The following RAP1GAP2 variants were observed in gnomAD, a reference collection of about 807,000 sequenced individuals.
RAP1GAP2 encodes RAP1 GTPase activating protein 2, also known as rap1 GTPase-activating protein 2.
In RAP1GAP2, 27 loss-of-function variants were observed where a neutral mutation model predicts 95.0. The ratio of observed to expected loss-of-function variants is 0.28; its 90% confidence interval spans 0.21 to 0.39. The LOEUF (loss-of-function observed/expected upper bound fraction) is 0.39. Among genes scored for constraint, RAP1GAP2 ranks in the 10% least tolerant of loss-of-function variants. The probability of loss-of-function intolerance (pLI) is 1.00; values close to 1 mark genes in which losing one functional copy is unlikely to be tolerated. For synonymous variants in RAP1GAP2, 373 were observed against 380.9 expected (o/e 0.98, Z 0.24); for missense variants, 771 against 970.0 (o/e 0.79, Z 2.72).
chr17:2,792,750 C>A (rs1040301157), upstream of RAP1GAP2, among the ~76,000 whole-genome samples: 12 of 152,330 alleles, frequency 7.9e-5, no homozygotes, highest in Non-Finnish European at 1.2e-4. Context: ...AGGGGCACAC[C>A]CCCCGGTGGG....
intron 3 of RAP1GAP2, among the ~76,000 whole-genome samples, chr17:2,939,162 C>G (rs1265508666): frequency 6.6e-6 from 1 of 152,090 alleles, no homozygotes; most frequent in Non-Finnish European, 1.5e-5. Flanking sequence ...ACAGTCTTGG[C>G]TCACTGCAAT....
intron 2 of RAP1GAP2, among the ~76,000 whole-genome samples, chr17:2,862,532 C>T (rs902290347): frequency 1.3e-5 from 2 of 152,024 alleles, no homozygotes; most frequent in Non-Finnish European, 2.9e-5. Context: ...CCCCCAACTC[C>T]CTGCCCCTCA....
At chr17:2,770,126 C>T (rs1275134958) in intron 1 of RAP1GAP2, among the ~76,000 whole-genome samples, 6 of 150,558 alleles carry the variant, frequency 4.0e-5, no homozygotes, top group African/African-American at 1.5e-4. Context: ...CCATTTATTG[C>T]GTTGAAATCT....
At chr17:2,859,861 C>T (rs1215017273) in intron 2 of RAP1GAP2, among the ~76,000 whole-genome samples, 2 of 151,998 alleles carry the variant, frequency 1.3e-5, no homozygotes, top group African/African-American at 2.4e-5. Context: ...TTCTGCTGTC[C>T]CCTGTGTTAC....
Position 2,826,049 on chromosome 17 carries a change from C to T in RAP1GAP2, c.80+25499C>T, listed in dbSNP as rs1432462619. Among the ~76,000 whole-genome samples the T allele has an allele frequency of 6.8e-5, 10 of 146,926 alleles. No homozygotes were observed. The East Asian group carries it at 1.2e-3, about 18-fold the overall frequency. ...CGGCTGGAGTGCAGTGGTGCCATCT[C>T]GGCTCACTGCAACTTCCTCCTCCCA... On this transcript the variant is annotated intron_variant, in intron 2 of 24. Coordinates refer to ENST00000254695, the MANE Select transcript of RAP1GAP2 (RefSeq NM_015085.5).
At chr17:2,935,573 G>A (rs1163612523) in intron 3 of RAP1GAP2, among the ~76,000 whole-genome samples, 1 of 152,100 alleles carries the variant, frequency 6.6e-6, no homozygotes, top group Non-Finnish European at 1.5e-5. Context: ...TAGAGTGAGA[G>A]ATCAATAAAT....
chr17:2,879,852 C>T (rs1428906599), intron 2 of RAP1GAP2, among the ~76,000 whole-genome samples: 1 of 152,074 alleles, frequency 6.6e-6, no homozygotes, highest in Non-Finnish European at 1.5e-5. Flanking sequence ...CTTTTTTCCT[C>T]CTGAGCCCTA....
intron 1 of RAP1GAP2, among the ~76,000 whole-genome samples, chr17:2,760,292 C>CAAAAAAAAAAAAAAAA (rs374784170): frequency 1.7e-5 from 1 of 59,268 alleles, no homozygotes; most frequent in African/African-American, 6.2e-5. Context: ...GACTCTGTCT[C>CAAAAAAAAAAAAAAAA]AAAAAAAAAA....
chr17:2,760,620 C>T lies in RAP1GAP2; in HGVS notation c.50+4853C>T, dbSNP rs553114306. 5.9e-5 allele frequency among the ~76,000 whole-genome samples: 9 copies of T among 151,498 alleles called. No individual in the cohort carries two copies. The South Asian group carries it at 1.5e-3, about 25-fold the overall frequency. On this transcript the variant is annotated intron_variant, in intron 1 of 25. Coordinates refer to the RAP1GAP2 transcript ENST00000637138. ...CCTCCCAGAGTGCTGGGATTACAGG[C>T]GTGAGCCACCGCGCCTGGCCAACTT...
intron 2 of RAP1GAP2, among the ~76,000 whole-genome samples, chr17:2,844,936 G>A (rs1357826761): frequency 1.3e-5 from 2 of 152,188 alleles, no homozygotes; most frequent in East Asian, 3.9e-4. Flanking sequence ...TTTCTAGTTA[G>A]TCAGGCGTGT....
intron 19 of RAP1GAP2, among the ~76,000 whole-genome samples, chr17:3,021,704 G>A (rs1345598874): frequency 6.6e-6 from 1 of 152,130 alleles, no homozygotes; most frequent in East Asian, 1.9e-4. Flanking sequence ...CAAAGTGTTG[G>A]GATTACAGGC....
rs553886659 is a variant in RAP1GAP2 at position 2,855,147 on chromosome 17, T to G, written c.81-50137T>G. 1.3e-5 allele frequency among the ~76,000 whole-genome samples: 2 copies of G among 152,200 alleles called. No individual in the cohort carries two copies. Among genetic ancestry groups the G allele is most frequent in the Admixed American group, 6.5e-5 (1 of 15,270 alleles). On this transcript the variant is annotated intron_variant, in intron 2 of 24. Transcript: ENST00000254695. The surrounding 1 kb of genome is among the most constrained non-coding windows in gnomAD (Gnocchi z 4.3). ...GAGAAGCTGGCATGGATTGCCCTTG[T>G]GGTGGGTTGTCCCCCATTCCTCTCG...
In RAP1GAP2 at chr17:2,904,428, G is replaced by GCT. The variant is rs1256964211; in HGVS notation, c.81-855_81-854dup. On this transcript the variant is annotated intron_variant, in intron 2 of 24. Coordinates refer to ENST00000254695, the MANE Select transcript of RAP1GAP2 (RefSeq NM_015085.5). The surrounding 1 kb of genome is among the most constrained non-coding windows in gnomAD (Gnocchi z 4.7). Reference sequence around the variant, plus strand: ...TGCCATGGTGACACAACTCTGTTTAGCTGCCTCTCTACCGTCCTAGCCCAC... The same window carrying GCT: ...TGCCATGGTGACACAACTCTGTTTAGCTCTGCCTCTCTACCGTCCTAGCCCAC... Among the ~76,000 whole-genome samples the GCT allele has an allele frequency of 6.6e-6, 1 of 152,148 alleles. No individual in the cohort carries two copies. The highest frequency in any genetic ancestry group is 1.5e-5 in the Non-Finnish European group (1 of 68,040).
chr17:2,822,627 G>GTTTTTTTTTTTT (rs66503004), intron 2 of RAP1GAP2, among the ~76,000 whole-genome samples: 1 of 127,848 alleles, frequency 7.8e-6, no homozygotes, highest in African/African-American at 2.7e-5. Flanking sequence ...GTTTTTTTTT[G>GTTTTTTTTTTTT]TTTTTTTTTT....
At chr17:3,012,298 A>G (rs1451672032) in intron 17 of RAP1GAP2, among the ~76,000 whole-genome samples, 1 of 145,900 alleles carries the variant, frequency 6.9e-6, no homozygotes, top group African/African-American at 2.5e-5. Context: ...ACTTAGATCT[A>G]AAAAAAAAAA....
At chr17:2,897,977 G>C (rs1597551371) in intron 2 of RAP1GAP2, among the ~76,000 whole-genome samples, 1 of 151,360 alleles carries the variant, frequency 6.6e-6, no homozygotes, top group South Asian at 2.1e-4. Flanking sequence ...CTGGAGTGCA[G>C]TGGCATGATT....
chr17:2,913,724 C>A (rs2042468767), intron 3 of RAP1GAP2, among the ~76,000 whole-genome samples: 1 of 152,188 alleles, frequency 6.6e-6, no homozygotes, highest in Non-Finnish European at 1.5e-5. Flanking sequence ...ATGATACACC[C>A]ACGTGAGCCA....
intron 3 of RAP1GAP2, among the ~76,000 whole-genome samples, chr17:2,945,619 T>A (rs955519440): frequency 1.4e-4 from 22 of 151,802 alleles, no homozygotes; most frequent in Non-Finnish European, 2.5e-4. Flanking sequence ...TTTTTTTTTT[T>A]AATGCCTTTT....
At position 2,870,119 on chromosome 17, in the gene RAP1GAP2, CT is replaced by C. The variant is rs1218487336; in HGVS notation, c.81-35150del. 2.9e-3 allele frequency among the ~76,000 whole-genome samples: 415 copies of C among 140,988 alleles called. No homozygotes were observed. The highest frequency in any genetic ancestry group is 3.0e-3 in the Admixed American group (41 of 13,848). The allele number at this position is 140,988 out of a possible 152,430, so 92.5% of individuals were successfully genotyped here. A position where few individuals can be genotyped will look rare whatever the true frequency, so the allele number is the denominator to read the frequency against. On this transcript the variant is annotated intron_variant, in intron 2 of 24. Transcript: ENST00000254695. This position sits in a 1 kb window ranked among gnomAD's most constrained non-coding sequence, Gnocchi z 4.4. ...GCACTCTGTGCTGCTGCTTGACAATCTTTTTTTTTTTTTTTGGAGATGGAGT... is the reference window on the plus strand; with the variant it reads ...GCACTCTGTGCTGCTGCTTGACAATCTTTTTTTTTTTTTTGGAGATGGAGT...
Sources: allele counts gnomAD v4.1 joint callset (sites outside exome capture counted in the v4.1 genomes callset), GRCh38; gene constraint gnomAD v4.1.1; non-coding constraint Gnocchi (gnomAD v3.1); transcripts MANE v1.5; gene names NCBI Gene and HGNC (gene_info 2026-07-23, HGNC 2026-07-21).